The following TENM1 variants were observed in gnomAD, a reference collection of about 807,000 sequenced individuals.
TENM1 encodes teneurin transmembrane protein 1.
In TENM1, 35 loss-of-function variants were observed where a neutral mutation model predicts 174.8. That is an observed-to-expected ratio of 0.20 (90% CI 0.15 to 0.27). TENM1 has a LOEUF of 0.27. Ranked by LOEUF, TENM1 falls within the 10% of genes least tolerant of loss-of-function variation. The pLI is 1.00. For missense variants in TENM1, 1,633 were observed against 2,130.1 expected (o/e 0.77, Z 4.59); for synonymous variants, 781 against 798.7 (o/e 0.98, Z 0.37).
chrX:124,836,058 A>C, intron 3 of TENM1, among the ~76,000 whole-genome samples: 1 of 112,143 alleles, frequency 8.9e-6, no homozygotes, highest in Middle Eastern at 4.6e-3. Context: ...GGTGAGAATT[A>C]ATTACAATTT....
chrX:124,618,803 G>A (rs2050451544), intron 11 of TENM1, among the ~76,000 whole-genome samples: 1 of 112,411 alleles, frequency 8.9e-6, no homozygotes, highest in Non-Finnish European at 1.9e-5. Context: ...ATTCAAGACT[G>A]GGCACAGTGG....
chrX:125,053,111 G>T, the TENM1 span, among the ~76,000 whole-genome samples: 1 of 111,953 alleles, frequency 8.9e-6, no homozygotes, highest in Non-Finnish European at 1.9e-5. Flanking sequence ...GAGACTGTGA[G>T]AATCTTAGAG....
intron 20 of TENM1, among the ~76,000 whole-genome samples, chrX:124,494,602 G>C (rs1283119711): frequency 9.2e-6 from 1 of 109,090 alleles, no homozygotes; most frequent in Non-Finnish European, 1.9e-5. Context: ...ATGCTGGTGC[G>C]CTGCACCCAC....
chrX:125,126,998 C>T, the TENM1 span, among the ~76,000 whole-genome samples: 3 of 111,088 alleles, frequency 2.7e-5, no homozygotes, highest in African/African-American at 9.8e-5. Flanking sequence ...TCAACACTGC[C>T]GGAAGAAAGC....
chrX:125,063,152 C>A, the TENM1 span, among the ~76,000 whole-genome samples: 4 of 111,698 alleles, frequency 3.6e-5, no homozygotes, highest in African/African-American at 9.8e-5. Context: ...AATCATCATG[C>A]CCCAAATTCA....
the TENM1 span, among the ~76,000 whole-genome samples, chrX:125,151,376 C>T: frequency 9.0e-6 from 1 of 111,525 alleles, no homozygotes; most frequent in Non-Finnish European, 1.9e-5. Flanking sequence ...CGGAGACCAG[C>T]GGAAAAAATG....
At chrX:124,453,454 C>T (rs1488373358) in exon 23 of TENM1, 2 of 1,210,370 alleles carry the variant, frequency 1.7e-6, no homozygotes, top group Admixed American at 4.4e-5. Flanking sequence ...TAGTCCCATC[C>T]ACAAAGTAAA....
exon 25 of TENM1, chrX:124,420,421 G>A: frequency 8.3e-7 from 1 of 1,211,858 alleles, no homozygotes. Flanking sequence ...CTCTTTTCAG[G>A]ACTCCATTGC....
intron 3 of TENM1, among the ~76,000 whole-genome samples, chrX:124,803,649 A>G (rs1231098270): frequency 8.9e-6 from 1 of 112,435 alleles, no homozygotes; most frequent in Non-Finnish European, 1.9e-5. Context: ...GTGAAGCCCA[A>G]CTACACTGTA....
the TENM1 span, among the ~76,000 whole-genome samples, chrX:125,044,185 A>C: frequency 1.6e-5 from 1 of 61,431 alleles, no homozygotes; most frequent in African/African-American, 7.0e-5. Flanking sequence ...AAAAAAGGAA[A>C]AAAAAAAGAT....
chrX:124,582,987 A>G (rs1190732063), intron 11 of TENM1, among the ~76,000 whole-genome samples: 1 of 112,093 alleles, frequency 8.9e-6, no homozygotes, highest in African/African-American at 3.2e-5. Context: ...GGGGAGGGGC[A>G]CCCGCCATTG....
At chrX:124,594,574 T>C (rs1369456331) in intron 11 of TENM1, among the ~76,000 whole-genome samples, 1 of 111,924 alleles carries the variant, frequency 8.9e-6, no homozygotes, top group Non-Finnish European at 1.9e-5. Flanking sequence ...TTTAAATAGA[T>C]AGATTTTAGC....
At chrX:124,415,775 G>C (rs752974600) in intron 25 of TENM1, among the ~76,000 whole-genome samples, 1 of 111,119 alleles carries the variant, frequency 9.0e-6, no homozygotes, top group East Asian at 2.8e-4. Flanking sequence ...CTGGTAACAG[G>C]CCTGGACCCC....
chrX:124,634,814 GCAA>G (rs1242480228), intron 11 of TENM1, among the ~76,000 whole-genome samples: 2 of 111,623 alleles, frequency 1.8e-5, no homozygotes, highest in Non-Finnish European at 3.8e-5. Flanking sequence ...AGTTTCCTCA[GCAA>G]CAACAATTAT....
chrX:124,693,680 A>C (rs1195771601), intron 5 of TENM1, among the ~76,000 whole-genome samples: 1 of 110,540 alleles, frequency 9.0e-6, no homozygotes, highest in Non-Finnish European at 1.9e-5. Flanking sequence ...TCATATCTTC[A>C]AATGTTTGTT....
intron 3 of TENM1, among the ~76,000 whole-genome samples, chrX:124,839,012 C>G (rs2056445527): frequency 9.0e-6 from 1 of 110,682 alleles, no homozygotes; most frequent in Admixed American, 9.7e-5. Flanking sequence ...TTCATTGAAG[C>G]CCTGTTTGTG....
chrX:125,071,945 A>G, the TENM1 span, among the ~76,000 whole-genome samples: 1 of 111,341 alleles, frequency 9.0e-6, no homozygotes, highest in Non-Finnish European at 1.9e-5. Context: ...AAACTATAAG[A>G]TATTAAAACC....
At chrX:124,685,331 A>T (rs1291639237) in intron 5 of TENM1, among the ~76,000 whole-genome samples, 1 of 111,262 alleles carries the variant, frequency 9.0e-6, no homozygotes, top group Non-Finnish European at 1.9e-5. Context: ...GCACGTAAGA[A>T]ATATGAGAAG....
the TENM1 span, among the ~76,000 whole-genome samples, chrX:125,073,313 T>C: frequency 9.0e-6 from 1 of 111,407 alleles, no homozygotes; most frequent in South Asian, 3.8e-4. Flanking sequence ...ATTTAAAACA[T>C]TCTAAAACGT....
Sources: allele counts gnomAD v4.1 joint callset (sites outside exome capture counted in the v4.1 genomes callset), GRCh38; gene constraint gnomAD v4.1.1; transcripts MANE v1.5; gene names NCBI Gene and HGNC (gene_info 2026-07-23, HGNC 2026-07-21).